Variants in RBFOX1 observed in about 807,000 individuals in gnomAD.
RBFOX1 encodes the protein RNA binding fox-1 homolog 1, also known as RNA binding protein fox-1 homolog 1.
A neutral mutation model predicts 57.7 loss-of-function variants in RBFOX1; 8 were observed. That is an observed-to-expected ratio of 0.14 (90% confidence interval 0.08 to 0.25). The LOEUF (loss-of-function observed/expected upper bound fraction) is 0.25, where lower values mean the gene tolerates loss of function less well. RBFOX1 is among the 10% of genes least tolerant of loss of function. The probability of loss-of-function intolerance (pLI) is 1.00; values close to 1 mark genes in which losing one functional copy is unlikely to be tolerated. For missense variants in RBFOX1, 611 were observed against 548.5 expected (o/e 1.11, Z -1.14); for synonymous variants, 326 against 222.4 (o/e 1.47, Z -4.15).
chr16:6,586,939 A>G (rs1006930773), intron 2 of RBFOX1, among the ~76,000 whole-genome samples: 1 of 152,214 alleles, frequency 6.6e-6, no homozygotes, highest in African/African-American at 2.4e-5. Flanking sequence ...TTTGAAATAT[A>G]TATATATTGT....
chr16:5,694,224 G>A (rs1046004743), intron 3 of RBFOX1, among the ~76,000 whole-genome samples: 23 of 152,150 alleles, frequency 1.5e-4, no homozygotes, highest in African/African-American at 4.8e-4. Flanking sequence ...AAGCCTGAGG[G>A]GTTTACCAGC....
At position 7,607,286 on chromosome 16, in the gene RBFOX1, C is replaced by T. The variant is rs755984086; in HGVS notation, c.624C>T (p.Gly208=). 3 of 1,608,174 alleles carry T rather than the reference C, an allele frequency of 1.9e-6. No individual in the cohort carries two copies. Among genetic ancestry groups the T allele is most frequent in the Non-Finnish European group, 2.5e-6 (3 of 1,178,170 alleles). Residue 208 remains glycine (G), a splice_region_variant and synonymous_variant, in exon 10 of 16, where the codon GGC becomes GGT. Coordinates refer to ENST00000550418, the MANE Select transcript of RBFOX1 (RefSeq NM_018723.4). ...NKKTVNPYTN[G]WKLNPVVGAV... is the part of the protein sequence containing the mutation. Reference sequence around the variant, plus strand: ...ATGTTTTTGTGTATTTGTTTTAAGGCTGGAAATTGAATCCAGTTGTGGGTG... The same window carrying T: ...ATGTTTTTGTGTATTTGTTTTAAGGTTGGAAATTGAATCCAGTTGTGGGTG...
At chr16:7,287,824 C>G (rs2095680224) in intron 4 of RBFOX1, among the ~76,000 whole-genome samples, 1 of 152,166 alleles carries the variant, frequency 6.6e-6, no homozygotes, top group African/African-American at 2.4e-5. Context: ...GGGGTATTAC[C>G]CAATAATTAT....
intron 4 of RBFOX1, among the ~76,000 whole-genome samples, chr16:7,270,397 T>TA (rs944114924): frequency 2.8e-4 from 43 of 151,976 alleles, no homozygotes; most frequent in African/African-American, 2.9e-4. Flanking sequence ...TTAACGCAAG[T>TA]AAAAAAAACA....
chr16:5,914,678 C>T (rs1431077782), intron 4 of RBFOX1, among the ~76,000 whole-genome samples: 3 of 152,240 alleles, frequency 2.0e-5, no homozygotes, highest in Non-Finnish European at 2.9e-5. Context: ...GGGCGGATCA[C>T]GAGGTCAGGA....
At chr16:6,822,673 A>T (rs2091505345) in intron 3 of RBFOX1, among the ~76,000 whole-genome samples, 1 of 152,108 alleles carries the variant, frequency 6.6e-6, no homozygotes, top group Non-Finnish European at 1.5e-5. Context: ...TCACTTTTAC[A>T]CGCTATGGTG....
At chr16:7,380,778 A>G (rs2097771059) in intron 4 of RBFOX1, among the ~76,000 whole-genome samples, 1 of 152,238 alleles carries the variant, frequency 6.6e-6, no homozygotes, top group Non-Finnish European at 1.5e-5. Flanking sequence ...AAAATAAGAA[A>G]TGTAATAATA....
intron 3 of RBFOX1, among the ~76,000 whole-genome samples, chr16:5,767,761 C>G (rs181364118): frequency 6.6e-6 from 1 of 152,158 alleles, no homozygotes; most frequent in East Asian, 1.9e-4. Flanking sequence ...TAAAGACCCT[C>G]ATTAGTTGCC....
chr16:5,496,126 A>AAAAAG lies in RBFOX1; in HGVS notation c.258+28891_258+28895dup, dbSNP rs374522833. Among the ~76,000 whole-genome samples the AAAAAG allele has an allele frequency of 6.0e-3, 782 of 130,788 alleles. 6 individuals carry two copies. Among genetic ancestry groups the AAAAAG allele is most frequent in the African/African-American group, 0.016 (610 of 37,368 alleles). 85.8% of individuals were successfully genotyped at this position (130,788 alleles called of 152,430 possible). On this transcript the variant is annotated intron_variant, in intron 2 of 2. Transcript: ENST00000585867. Reference sequence around the variant, plus strand: ...GGGTGACAGTGCGAGACTCCATCTCAAAAAGAAAAGAAAAGAAAAGAAAGA... The same window carrying AAAAAG: ...GGGTGACAGTGCGAGACTCCATCTCAAAAAGAAAAGAAAAGAAAAGAAAAGAAAGA...
chr16:7,306,669 T>G (rs576479124), intron 4 of RBFOX1, among the ~76,000 whole-genome samples: 2 of 152,184 alleles, frequency 1.3e-5, no homozygotes, highest in Admixed American at 6.5e-5. Flanking sequence ...TTTGCCTGTT[T>G]CATTCAGAAT....
At chr16:5,447,494 T>C (rs964718804) in intron 1 of RBFOX1, among the ~76,000 whole-genome samples, 1 of 151,736 alleles carries the variant, frequency 6.6e-6, no homozygotes, top group African/African-American at 2.4e-5. Flanking sequence ...TGCAACTGAA[T>C]TCAAGTGGTT....
chr16:6,069,259 G>C (rs553475402), intron 1 of RBFOX1, among the ~76,000 whole-genome samples: 1 of 152,176 alleles, frequency 6.6e-6, no homozygotes, highest in Non-Finnish European at 1.5e-5. Context: ...TTAGCTGGGC[G>C]TAGGGGCACA....
At position 6,319,207 on chromosome 16, in the gene RBFOX1, TGAA is replaced by T. The variant is rs2081468876; in HGVS notation, c.-64+2154_-64+2156del. Among the ~76,000 whole-genome samples the T allele has an allele frequency of 2.0e-5, 3 of 152,202 alleles. No individual in the cohort carries two copies. In the South Asian group the frequency reaches 6.2e-4, roughly 32 times the overall value. On this transcript the variant is annotated intron_variant, in intron 2 of 15. Transcript: ENST00000550418. Reference sequence around the variant, plus strand: ...TGACACTGGGCCTGGGCTGATGTTGTGAAGAATGCCATATTTTAGTCTGAATCC... The same window carrying T: ...TGACACTGGGCCTGGGCTGATGTTGTGAATGCCATATTTTAGTCTGAATCC...
chr16:6,403,120 C>G (rs1240500594), intron 2 of RBFOX1, among the ~76,000 whole-genome samples: 1 of 149,616 alleles, frequency 6.7e-6, no homozygotes, highest in African/African-American at 2.4e-5. Context: ...AATGTTTGAT[C>G]TTTCACTGTG....
intron 2 of RBFOX1, among the ~76,000 whole-genome samples, chr16:5,467,448 A>G (rs2068989144): frequency 6.6e-6 from 1 of 152,170 alleles, no homozygotes; most frequent in Non-Finnish European, 1.5e-5. Context: ...GATCAAACAT[A>G]CTTAGCATCT....
At chr16:5,640,411 C>A (rs146126361) in intron 3 of RBFOX1, among the ~76,000 whole-genome samples, 1 of 152,072 alleles carries the variant, frequency 6.6e-6, no homozygotes, top group Admixed American at 6.5e-5. Flanking sequence ...TATACACATG[C>A]ACACCATGCA....
At chr16:7,387,819 G>A (rs543262270) in intron 4 of RBFOX1, among the ~76,000 whole-genome samples, 8 of 152,104 alleles carry the variant, frequency 5.3e-5, no homozygotes, top group East Asian at 1.9e-4. Flanking sequence ...GTAGGGCTTC[G>A]CCATCAGTTT....
intron 3 of RBFOX1, among the ~76,000 whole-genome samples, chr16:5,651,913 G>C (rs891741127): frequency 6.6e-6 from 1 of 152,120 alleles, no homozygotes; most frequent in Non-Finnish European, 1.5e-5. Flanking sequence ...CAGGAGGATC[G>C]CTTGAGGTCA....
At chr16:6,843,525 AAAAAT>A (rs933672218) in intron 3 of RBFOX1, among the ~76,000 whole-genome samples, 11 of 151,896 alleles carry the variant, frequency 7.2e-5, no homozygotes, top group African/African-American at 2.7e-4. Flanking sequence ...CGTCTGTACT[AAAAAT>A]AAAAAAAAAT....
Sources: allele counts gnomAD v4.1 joint callset (sites outside exome capture counted in the v4.1 genomes callset), GRCh38; gene constraint gnomAD v4.1.1; transcripts MANE v1.5; gene names NCBI Gene and HGNC (gene_info 2026-07-23, HGNC 2026-07-21).